The following TENM2 variants were observed in gnomAD, a reference collection of about 807,000 sequenced individuals.
The protein encoded by TENM2 is teneurin-2.
TENM2 carries 52 observed loss-of-function variants against 245.2 expected under a neutral mutation model. That is an observed-to-expected ratio of 0.21 (90% CI 0.17 to 0.27). The LOEUF is 0.27. Ranked by LOEUF, TENM2 falls within the 10% of genes least tolerant of loss-of-function variation. TENM2 has a pLI of 1.00. For missense variants in TENM2, 3,046 were observed against 3,666.8 expected (o/e 0.83, Z 4.37); for synonymous variants, 1,363 against 1,438.9 (o/e 0.95, Z 1.19).
chr5:167,702,604 A>C (rs550512177), intron 2 of TENM2, among the ~76,000 whole-genome samples: 1 of 148,666 alleles, frequency 6.7e-6, no homozygotes, highest in Non-Finnish European at 1.5e-5. Context: ...ACATAGTAAA[A>C]GTTTTCCCAA....
At chr5:167,718,205 G>A (rs1311713998) in intron 2 of TENM2, among the ~76,000 whole-genome samples, 2 of 152,132 alleles carry the variant, frequency 1.3e-5, no homozygotes, top group Non-Finnish European at 2.9e-5. Context: ...TTGTATAAAT[G>A]TTTTTCCATG....
intron 3 of TENM2, among the ~76,000 whole-genome samples, chr5:167,883,036 A>G (rs529209418): frequency 6.6e-6 from 1 of 152,314 alleles, no homozygotes; most frequent in South Asian, 2.1e-4. Context: ...TATCTGGGAC[A>G]TTGTCAAAAC....
At chr5:167,189,104 A>G in the TENM2 span, among the ~76,000 whole-genome samples, 1 of 152,166 alleles carries the variant, frequency 6.6e-6, no homozygotes, top group Non-Finnish European at 1.5e-5. Context: ...CTGGAAAATG[A>G]CCACAGAAAT....
chr5:167,957,395 A>G (rs565155919), intron 4 of TENM2, among the ~76,000 whole-genome samples: 6 of 152,154 alleles, frequency 3.9e-5, no homozygotes, highest in Admixed American at 1.3e-4. Flanking sequence ...CCGGCAGTCT[A>G]TCTATTTTGT....
chr5:167,974,105 AG>A (rs1404228682), intron 4 of TENM2, among the ~76,000 whole-genome samples: 2 of 1,684 alleles, frequency 1.2e-3, no homozygotes, highest in African/African-American at 8.5e-3. Context: ...GAAGGAAGGG[AG>A]GAAAGGAGGG....
At chr5:168,182,158 G>A (rs1366929067) in intron 13 of TENM2, among the ~76,000 whole-genome samples, 1 of 152,304 alleles carries the variant, frequency 6.6e-6, no homozygotes, top group East Asian at 1.9e-4. Flanking sequence ...CCTTACAGAG[G>A]CAATGAAGAA....
intron 2 of TENM2, among the ~76,000 whole-genome samples, chr5:167,496,234 A>G (rs1414424264): frequency 6.6e-6 from 1 of 152,062 alleles, no homozygotes; most frequent in Non-Finnish European, 1.5e-5. Flanking sequence ...AGTTCCCCGA[A>G]CTTTTCAAGG....
the TENM2 span, among the ~76,000 whole-genome samples, chr5:167,257,272 C>G: frequency 6.6e-6 from 1 of 151,946 alleles, no homozygotes; most frequent in Non-Finnish European, 1.5e-5. Flanking sequence ...TCTGCTTGTT[C>G]TACTAGATAC....
intron 2 of TENM2, among the ~76,000 whole-genome samples, chr5:167,426,844 C>T (rs1763855479): frequency 6.6e-6 from 1 of 152,152 alleles, no homozygotes; most frequent in Non-Finnish European, 1.5e-5. Context: ...ATATGCTCTA[C>T]ATTTTTTTCA....
At chr5:167,431,200 A>C (rs1053190727) in intron 2 of TENM2, among the ~76,000 whole-genome samples, 2 of 152,184 alleles carry the variant, frequency 1.3e-5, no homozygotes, top group African/African-American at 4.8e-5. Context: ...ACAATTATCA[A>C]TTTCTTTTTA....
chr5:167,934,087 A>T (rs1423108373), intron 3 of TENM2, among the ~76,000 whole-genome samples: 1 of 152,206 alleles, frequency 6.6e-6, no homozygotes, highest in Non-Finnish European at 1.5e-5. Flanking sequence ...GGAATTATCA[A>T]ACCAATTTTA....
chr5:168,127,019 T>C (rs1165328760), intron 12 of TENM2, 53 bp downstream of exon 14: 4 of 1,442,366 alleles, frequency 2.8e-6, no homozygotes, highest in Admixed American at 4.0e-5. Context: ...TGGTCGCGCA[T>C]GGCAACTGGC....
At chr5:167,238,694 CAAAA>C in the TENM2 span, among the ~76,000 whole-genome samples, 2 of 58,114 alleles carry the variant, frequency 3.4e-5, no homozygotes, top group Non-Finnish European at 4.1e-5. Flanking sequence ...ACAGGAGATG[CAAAA>C]AAAAAAAAAA....
At chr5:167,524,665 T>C (rs1770985008) in intron 2 of TENM2, among the ~76,000 whole-genome samples, 1 of 151,834 alleles carries the variant, frequency 6.6e-6, no homozygotes, top group African/African-American at 2.4e-5. Context: ...GTCATAATCA[T>C]CTAGAAAGCT....
intron 2 of TENM2, among the ~76,000 whole-genome samples, chr5:167,400,951 C>T (rs1045657256): frequency 1.3e-5 from 2 of 151,958 alleles, no homozygotes; most frequent in African/African-American, 4.8e-5. Context: ...AAAGGCTGGG[C>T]GTGGTGGCTC....
At chr5:167,199,019 G>A in the TENM2 span, among the ~76,000 whole-genome samples, 1 of 144,878 alleles carries the variant, frequency 6.9e-6, no homozygotes, top group Non-Finnish European at 1.5e-5. Context: ...ATAAAAAGAT[G>A]TATGGTAAAA....
chr5:167,141,518 GT>G, the TENM2 span, among the ~76,000 whole-genome samples: 1 of 152,080 alleles, frequency 6.6e-6, no homozygotes, highest in Non-Finnish European at 1.5e-5. Context: ...AACAGGTTGT[GT>G]ATAATATATT....
Position 167,464,178 on chromosome 5 carries a change from A to G in TENM2, c.502+88705A>G, listed in dbSNP as rs149179705. On this transcript the variant is annotated intron_variant, in intron 2 of 28. Transcript: ENST00000518659. ...TTTGTTCTTAGGAGACTTGCTGCCT[A>G]TCAGGAATGAGTTGAAGAGTTCTAG... Among the ~76,000 whole-genome samples, 68 of 152,300 alleles carry G rather than the reference A, an allele frequency of 4.5e-4. No individual in the cohort carries two copies. In the East Asian group the frequency reaches 7.5e-3, roughly 17 times the overall value.
chr5:168,155,405 G>C (rs973307384), intron 12 of TENM2, among the ~76,000 whole-genome samples: 8 of 2,640 alleles, frequency 3.0e-3, no homozygotes, highest in South Asian at 0.019. Context: ...TTGGTGAAAG[G>C]GGGGGGGGGT....
Sources: gnomAD v4.1 joint callset for allele counts (sites outside exome capture counted in the v4.1 genomes callset) on GRCh38, gnomAD v4.1.1 for gene constraint, MANE v1.5 for transcripts, NCBI Gene and HGNC (gene_info 2026-07-23, HGNC 2026-07-21) for gene names.